MGMT: variants seen among roughly 807,000 people sequenced by gnomAD.
MGMT encodes O-6-methylguanine-DNA methyltransferase, also known as methylated-DNA--protein-cysteine methyltransferase.
Under a neutral mutation model 15.9 loss-of-function variants are expected in MGMT, and 14 were observed. That is an observed-to-expected ratio of 0.88 (90% CI 0.58 to 1.37). MGMT has a LOEUF of 1.37. Among genes scored for constraint, MGMT ranks in the 40% most tolerant of loss-of-function variants. The pLI, the probability that MGMT is intolerant of heterozygous loss-of-function variation, is 0.00. For synonymous variants in MGMT, 130 were observed against 118.2 expected (o/e 1.10, Z -0.65); for missense variants, 282 against 268.1 (o/e 1.05, Z -0.36).
intron 2 of MGMT, among the ~76,000 whole-genome samples, chr10:129,637,248 T>A (rs1346491188): frequency 1.3e-5 from 2 of 152,126 alleles, no homozygotes; most frequent in Non-Finnish European, 2.9e-5. Context: ...GGAAAAAGGA[T>A]GTGTCTTAGG....
At chr10:129,474,018 G>C (rs1026755900) in intron 1 of MGMT, among the ~76,000 whole-genome samples, 10 of 152,220 alleles carry the variant, frequency 6.6e-5, no homozygotes, top group African/African-American at 2.4e-4. Flanking sequence ...TGTGGCTACC[G>C]GTCAGGTTTC....
At chr10:129,741,065 C>T (rs1477662363) in intron 3 of MGMT, among the ~76,000 whole-genome samples, 1 of 152,170 alleles carries the variant, frequency 6.6e-6, no homozygotes, top group Non-Finnish European at 1.5e-5. Flanking sequence ...TGGCTGGCCA[C>T]TGGGTACCAA....
At chr10:129,519,164 C>T (rs1845777101) in intron 1 of MGMT, among the ~76,000 whole-genome samples, 1 of 152,114 alleles carries the variant, frequency 6.6e-6, no homozygotes, top group Admixed American at 6.5e-5. Flanking sequence ...AAAGGCCTGT[C>T]CCTTTCTCCA....
At chr10:129,740,219 C>T (rs1401922900) in intron 3 of MGMT, among the ~76,000 whole-genome samples, 3 of 152,090 alleles carry the variant, frequency 2.0e-5, no homozygotes, top group African/African-American at 4.8e-5. Context: ...TCTCATTGAC[C>T]CCAGGATGCC....
chr10:129,767,952 C>T lies in MGMT; in HGVS notation c.*955C>T, dbSNP rs1393804506. ...CTTCATTATTGTGTTGTCATCCTAG[C>T]TGTATAATTAACTATATCCAAAAGC... On this transcript the variant is annotated 3_prime_UTR_variant, in exon 5 of 5. Transcript: ENST00000651593. 2 of 152,240 alleles carry T rather than the reference C, an allele frequency of 1.3e-5. No individual in the cohort carries two copies. Among genetic ancestry groups the T allele is most frequent in the Non-Finnish European group, 2.9e-5 (2 of 68,058 alleles). The allele number at this position is 152,240 out of a possible 1,614,324, so 9.4% of individuals were successfully genotyped here.
rs139490420 is a variant in MGMT, at chr10:129,624,099, C to T, written c.126-83796C>T. 4.9e-3 allele frequency among the ~76,000 whole-genome samples: 743 copies of T among 152,378 alleles called. 7 individuals are homozygous for T. The highest frequency in any genetic ancestry group is 8.2e-3 in the Non-Finnish European group (560 of 68,040). On this transcript the variant is annotated intron_variant, in intron 2 of 4. Transcript: ENST00000651593. ...GGTGAGGCAACACGCTCAGCGCCTGCGCGAATCTTCTTGCCCATCAGTTCC... is the reference window on the plus strand; with the variant it reads ...GGTGAGGCAACACGCTCAGCGCCTGTGCGAATCTTCTTGCCCATCAGTTCC...
chr10:129,723,469 A>G (rs970068230), intron 3 of MGMT, among the ~76,000 whole-genome samples: 5 of 152,226 alleles, frequency 3.3e-5, no homozygotes, highest in Admixed American at 6.5e-5. Context: ...AAGCTCTTAG[A>G]AGAAAACATG....
chr10:129,497,108 T>C (rs1285126349), intron 1 of MGMT, among the ~76,000 whole-genome samples: 1 of 152,200 alleles, frequency 6.6e-6, no homozygotes, highest in African/African-American at 2.4e-5. Flanking sequence ...ATCTAATTTA[T>C]AATGTGATAT....
intron 3 of MGMT, among the ~76,000 whole-genome samples, chr10:129,735,249 G>A (rs1423664120): frequency 6.6e-6 from 1 of 152,088 alleles, no homozygotes; most frequent in Non-Finnish European, 1.5e-5. Context: ...CCTGTTATTG[G>A]TCTATTCAGA....
chr10:129,714,316 A>G (rs1159196270), intron 3 of MGMT, among the ~76,000 whole-genome samples: 1 of 152,236 alleles, frequency 6.6e-6, no homozygotes, highest in Non-Finnish European at 1.5e-5. Context: ...GTCTTAGTTC[A>G]TTGTTTCATA....
chr10:129,577,511 C>T (rs1304027333), intron 2 of MGMT, among the ~76,000 whole-genome samples: 13 of 152,154 alleles, frequency 8.5e-5, no homozygotes, highest in African/African-American at 2.9e-4. Flanking sequence ...GGATCCCTTC[C>T]TTACACCTTA....
In MGMT at chr10:129,542,941, A is replaced by G. The variant is rs559657707; in HGVS notation, c.125+6564A>G. ...TGTGACTTATGTTATCAATAACACAAATTGTGCATATACTTCACCCCATGC... is the reference window on the plus strand; with the variant it reads ...TGTGACTTATGTTATCAATAACACAGATTGTGCATATACTTCACCCCATGC... On this transcript the variant is annotated intron_variant, in intron 2 of 4. Transcript: ENST00000651593. Among the ~76,000 whole-genome samples, 14 of 152,280 alleles carry G rather than the reference A, an allele frequency of 9.2e-5. No homozygotes were observed. In the East Asian group the frequency reaches 2.3e-3, roughly 25 times the overall value.
At chr10:129,587,084 C>T (rs1030504735) in intron 2 of MGMT, among the ~76,000 whole-genome samples, 1 of 152,106 alleles carries the variant, frequency 6.6e-6, no homozygotes, top group Admixed American at 6.5e-5. Flanking sequence ...TTGTTTCGGA[C>T]CAGAAATCTG....
intron 2 of MGMT, among the ~76,000 whole-genome samples, chr10:129,625,897 C>T (rs2133078950): frequency 6.6e-6 from 1 of 152,292 alleles, no homozygotes; most frequent in South Asian, 2.1e-4. Flanking sequence ...TTCTCTAAAT[C>T]CCTTTTTGAT....
At chr10:129,737,688 T>C (rs1006718321) in intron 3 of MGMT, among the ~76,000 whole-genome samples, 4 of 152,242 alleles carry the variant, frequency 2.6e-5, no homozygotes, top group African/African-American at 9.6e-5. Context: ...TGTGGTTTTA[T>C]CTACCTTTGG....
intron 1 of MGMT, among the ~76,000 whole-genome samples, chr10:129,523,251 G>A (rs1431365938): frequency 1.3e-5 from 2 of 152,242 alleles, no homozygotes; most frequent in Admixed American, 6.5e-5. Flanking sequence ...AGCCCTGTGG[G>A]GTGAGCGCCA....
intron 2 of MGMT, among the ~76,000 whole-genome samples, chr10:129,692,273 A>G (rs756745929): frequency 6.6e-6 from 1 of 152,208 alleles, no homozygotes; most frequent in Non-Finnish European, 1.5e-5. Flanking sequence ...CAGGAATGAC[A>G]GGACACACCT....
At chr10:129,629,401 A>G (rs984013645) in intron 2 of MGMT, among the ~76,000 whole-genome samples, 1 of 152,198 alleles carries the variant, frequency 6.6e-6, no homozygotes, top group Non-Finnish European at 1.5e-5. Flanking sequence ...ATCATAGAAT[A>G]TTTCATTGTC....
At chr10:129,624,579 G>T (rs981720107) in intron 2 of MGMT, among the ~76,000 whole-genome samples, 2 of 152,170 alleles carry the variant, frequency 1.3e-5, no homozygotes, top group Non-Finnish European at 2.9e-5. Context: ...ACCTACACAG[G>T]GAAGACACGA....
Sources: gnomAD v4.1 joint callset for allele counts (sites outside exome capture counted in the v4.1 genomes callset) on GRCh38, gnomAD v4.1.1 for gene constraint, MANE v1.5 for transcripts, NCBI Gene and HGNC (gene_info 2026-07-23, HGNC 2026-07-21) for gene names.